Variants in MRPL39 observed in about 807,000 individuals in gnomAD.
MRPL39 encodes the protein mitochondrial ribosomal protein L39, also known as large ribosomal subunit protein mL39.
A neutral mutation model predicts 44.5 loss-of-function variants in MRPL39; 35 were observed. The ratio of observed to expected loss-of-function variants is 0.79; its 90% CI spans 0.60 to 1.04. The LOEUF (loss-of-function observed/expected upper bound fraction) is 1.04. Among genes scored for constraint, MRPL39 ranks in the 50% least tolerant of loss-of-function variants. The probability of loss-of-function intolerance (pLI) is 0.00; values close to 1 mark genes in which losing one functional copy is unlikely to be tolerated. For synonymous variants in MRPL39, 139 were observed against 136.1 expected (o/e 1.02, Z -0.15); for missense variants, 433 against 413.5 (o/e 1.05, Z -0.41).
chr21:25,590,482 G>C (rs1256619786), intron 8 of MRPL39, among the ~76,000 whole-genome samples: 2 of 152,112 alleles, frequency 1.3e-5, no homozygotes, highest in Non-Finnish European at 2.9e-5. Context: ...GCAGCCCATG[G>C]GCTGTGAGTT....
chr21:25,604,074 G>A (rs923632780), intron 2 of MRPL39, 139 bp from the exon 3 acceptor site: 26 of 748,798 alleles, frequency 3.5e-5, no homozygotes, highest in South Asian at 2.2e-4. Context: ...AGTATATTAC[G>A]TCTATAATCA....
At chr21:25,587,696 A>T in intron 9 of MRPL39, 2 of 1,584,874 alleles carry the variant, frequency 1.3e-6, no homozygotes, top group Non-Finnish European at 1.7e-6. Flanking sequence ...TTTGTTAGAG[A>T]TTACTCTGAG....
At chr21:25,595,784 A>G (rs1376505734) in intron 6 of MRPL39, among the ~76,000 whole-genome samples, 1 of 152,254 alleles carries the variant, frequency 6.6e-6, no homozygotes, top group East Asian at 1.9e-4. Context: ...ATGCAACTAC[A>G]GAAAATTTCA....
intron 2 of MRPL39, among the ~76,000 whole-genome samples, chr21:25,605,991 C>T (rs1375465140): frequency 1.3e-5 from 2 of 152,138 alleles, no homozygotes; most frequent in Non-Finnish European, 2.9e-5. Context: ...TTCAAACAAG[C>T]GCCAGGCAGG....
chr21:25,589,186 T>G (rs751186947), intron 8 of MRPL39, among the ~76,000 whole-genome samples: 1 of 152,182 alleles, frequency 6.6e-6, no homozygotes, highest in Non-Finnish European at 1.5e-5. Context: ...ATTTCCATCA[T>G]AGAAAGCATT....
At chr21:25,589,568 A>T (rs944253769) in intron 8 of MRPL39, among the ~76,000 whole-genome samples, 2 of 152,086 alleles carry the variant, frequency 1.3e-5, no homozygotes, top group African/African-American at 4.8e-5. Context: ...TTTAAACTCA[A>T]TTTCCTTAGT....
At chr21:25,586,021 C>T (rs542080847) in intron 9 of MRPL39, among the ~76,000 whole-genome samples, 72 of 152,190 alleles carry the variant, frequency 4.7e-4, no homozygotes, top group African/African-American at 1.5e-3. Context: ...ACTTTTCAGC[C>T]GTAAAACAAA....
rs577507125 is a variant in MRPL39 at position 25,601,925 on chromosome 21, A to T, written c.421-458T>A. On this transcript the variant is annotated intron_variant, in intron 3 of 9. Transcript: ENST00000352957. ...CCTAACACCCTAACACATCGTTCAG[A>T]TTACTCATATTTATAGCAGAGCAGC... Among the ~76,000 whole-genome samples the T allele has an allele frequency of 8.5e-5, 13 of 152,284 alleles. No individual in the cohort carries two copies. The South Asian group carries it at 2.5e-3, about 29-fold the overall frequency.
chr21:25,586,901 C>T (rs1376894441), intron 9 of MRPL39, among the ~76,000 whole-genome samples: 1 of 152,180 alleles, frequency 6.6e-6, no homozygotes, highest in Non-Finnish European at 1.5e-5. Flanking sequence ...GCTTATAAGT[C>T]TAATTATCCA....
intron 2 of MRPL39, among the ~76,000 whole-genome samples, chr21:25,605,536 A>G (rs937744632): frequency 6.6e-6 from 1 of 152,152 alleles, no homozygotes; most frequent in Non-Finnish European, 1.5e-5. Flanking sequence ...AAAGGCGGCA[A>G]AAAAAAGCTG....
chr21:25,607,512 C>A, upstream of MRPL39: 3 of 1,601,136 alleles, frequency 1.9e-6, no homozygotes, highest in Non-Finnish European at 2.6e-6. Flanking sequence ...AGTCCTTCTC[C>A]GCCCTCCTCC....
chr21:25,600,395 T>TAAAAAAAAAA (rs35118180), intron 4 of MRPL39, among the ~76,000 whole-genome samples: 1 of 78,580 alleles, frequency 1.3e-5, no homozygotes, highest in East Asian at 3.7e-4. Flanking sequence ...GACTCCGTCT[T>TAAAAAAAAAA]AAAAAAAAAA....
chr21:25,592,032 G>C (rs2031194104), intron 8 of MRPL39, among the ~76,000 whole-genome samples: 1 of 152,210 alleles, frequency 6.6e-6, no homozygotes, highest in South Asian at 2.1e-4. Flanking sequence ...GAAATCTCCA[G>C]AGAATTATAC....
At chr21:25,587,788 G>C in intron 9 of MRPL39, 1 of 1,607,914 alleles carries the variant, frequency 6.2e-7, no homozygotes, top group Non-Finnish European at 8.5e-7. Flanking sequence ...GGGAAATGGA[G>C]TCTAGAAAGA....
chr21:25,591,651 AAAC>A (rs1232168550), intron 8 of MRPL39, among the ~76,000 whole-genome samples: 1 of 73,268 alleles, frequency 1.4e-5, no homozygotes, highest in Non-Finnish European at 4.4e-5. Context: ...AGAATGACTA[AAAC>A]AAAAAAAAAA....
At chr21:25,593,070 A>G (rs776162597) in intron 7 of MRPL39, 105 bp from the exon 8 acceptor site, 2 of 992,468 alleles carry the variant, frequency 2.0e-6, no homozygotes, top group Non-Finnish European at 2.9e-6. Flanking sequence ...TCCCTAATCA[A>G]GAACATTATA....
chr21:25,588,117 C>T (rs1465554836), intron 9 of MRPL39, among the ~76,000 whole-genome samples: 1 of 152,118 alleles, frequency 6.6e-6, no homozygotes, highest in East Asian at 1.9e-4. Flanking sequence ...CGAGACCATC[C>T]TGGCTAACAC....
chr21:25,601,021 T>C (rs1321360242), intron 4 of MRPL39, among the ~76,000 whole-genome samples: 1 of 152,082 alleles, frequency 6.6e-6, no homozygotes, highest in East Asian at 1.9e-4. Context: ...GGCGGGAGAA[T>C]GGTGTGAACC....
Position 25,605,546 on chromosome 21 carries a change from G to A in MRPL39, c.280+903C>T, listed in dbSNP as rs896173736. 4.6e-5 allele frequency among the ~76,000 whole-genome samples: 7 copies of A among 152,276 alleles called. No individual in the cohort carries two copies. In the East Asian group the frequency reaches 1.4e-3, roughly 29 times the overall value. ...AAGAAAAAGGCGGCAAAAAAAAGCT[G>A]ATCATCTGAGGCCATGGCAATCCCT... is the stretch of plus-strand genomic sequence containing the variant. On this transcript the variant is annotated intron_variant, in intron 2 of 9. Transcript: ENST00000352957.
Sources: gnomAD v4.1 joint callset for allele counts (sites outside exome capture counted in the v4.1 genomes callset) on GRCh38, gnomAD v4.1.1 for gene constraint, MANE v1.5 for transcripts, NCBI Gene and HGNC (gene_info 2026-07-23, HGNC 2026-07-21) for gene names.